GABRG3: variants seen among roughly 807,000 people sequenced by gnomAD.
The protein encoded by GABRG3 is gamma-aminobutyric acid receptor subunit gamma-3.
GABRG3 carries 25 observed loss-of-function variants against 48.8 expected under a neutral mutation model. That is an observed-to-expected ratio of 0.51 (90% CI 0.37 to 0.72). The LOEUF is 0.72. Among genes scored for constraint, GABRG3 ranks in the 30% least tolerant of loss-of-function variants. The pLI, the probability that GABRG3 is intolerant of heterozygous loss-of-function variation, is 0.00. For synonymous variants in GABRG3, 227 were observed against 217.6 expected, an observed-to-expected ratio of 1.04 and a Z score of -0.38; for missense variants, 394 against 577.9, an observed-to-expected ratio of 0.68 and a Z score of 3.26.
At chr15:27,256,208 C>T (rs371109184) in intron 3 of GABRG3, among the ~76,000 whole-genome samples, 26 of 151,904 alleles carry the variant, frequency 1.7e-4, no homozygotes, top group African/African-American at 2.7e-4. Flanking sequence ...TTTGGGAGGC[C>T]GAGGCGGGCG....
At chr15:27,273,571 G>A (rs973588571) in intron 3 of GABRG3, among the ~76,000 whole-genome samples, 50 of 152,322 alleles carry the variant, frequency 3.3e-4, no homozygotes, top group African/African-American at 1.2e-3. Flanking sequence ...AGTCGTATGA[G>A]CTATTCTCAG....
chr15:27,393,413 A>G (rs1595725763), intron 5 of GABRG3, among the ~76,000 whole-genome samples: 1 of 152,252 alleles, frequency 6.6e-6, no homozygotes, highest in East Asian at 1.9e-4. Flanking sequence ...GTTCATTTAT[A>G]CTGGAGTGCT....
rs564401339 is a variant in GABRG3 at position 27,423,561 on chromosome 15, G to A, written c.575-57089G>A. 2.8e-3 allele frequency among the ~76,000 whole-genome samples: 408 copies of A among 146,766 alleles called. 1 individual carries two copies. Among genetic ancestry groups the A allele is most frequent in the African/African-American group, 9.6e-3 (380 of 39,766 alleles). The stretch of plus-strand genomic sequence containing the variant: ...TTTTGGTTTTTTTTTTTTTTGAGAC[G>A]AGGTTTTAGGGTCTTATTCTGTCGC... On this transcript the variant is annotated intron_variant, in intron 5 of 9. Transcript: ENST00000615808.
chr15:27,467,651 C>G (rs1889656423), intron 5 of GABRG3, among the ~76,000 whole-genome samples: 1 of 152,166 alleles, frequency 6.6e-6, no homozygotes, highest in Non-Finnish European at 1.5e-5. Context: ...GCCTTTAGTT[C>G]TATTTTTTAT....
chr15:27,295,243 T>A (rs1396800801), intron 3 of GABRG3: 2 of 152,212 alleles, frequency 1.3e-5, no homozygotes, highest in Non-Finnish European at 2.9e-5. Context: ...CCTTTCCAGT[T>A]CTTAATGTTA....
intron 3 of GABRG3, among the ~76,000 whole-genome samples, chr15:27,193,344 G>C (rs2140424078): frequency 6.6e-6 from 1 of 152,200 alleles, no homozygotes; most frequent in African/African-American, 2.4e-5. Context: ...GAGGCAGGCA[G>C]GCCTCCTTGA....
intron 6 of GABRG3, among the ~76,000 whole-genome samples, chr15:27,507,449 A>G (rs1890787236): frequency 2.0e-5 from 3 of 152,190 alleles, no homozygotes; most frequent in Admixed American, 1.3e-4. Flanking sequence ...GGCTGCAGTG[A>G]GCCAAGATCC....
intron 2 of GABRG3, among the ~76,000 whole-genome samples, chr15:27,020,569 G>GC (rs1895872744): frequency 7.7e-6 from 1 of 129,752 alleles, no homozygotes; most frequent in Non-Finnish European, 1.7e-5. Flanking sequence ...CCGCCACCAC[G>GC]CCCGGCTAAT....
At chr15:27,142,753 C>T (rs1898128012) in intron 3 of GABRG3, among the ~76,000 whole-genome samples, 1 of 151,414 alleles carries the variant, frequency 6.6e-6, no homozygotes, top group South Asian at 2.1e-4. Context: ...ACAGGGGTTA[C>T]TGAGGATTTG....
At chr15:27,476,074 C>G (rs1156595576) in intron 5 of GABRG3, among the ~76,000 whole-genome samples, 4 of 152,042 alleles carry the variant, frequency 2.6e-5, no homozygotes, top group African/African-American at 7.2e-5. Flanking sequence ...CCACAAAAAG[C>G]CAGCAAAGAA....
chr15:27,263,953 A>T, intron 3 of GABRG3, among the ~76,000 whole-genome samples: 1 of 23,106 alleles, frequency 4.3e-5, no homozygotes, highest in East Asian at 3.1e-4. Flanking sequence ...AAGAAAAAAA[A>T]GAAAAGTGCT....
chr15:27,029,746 T>C (rs1896050346), intron 3 of GABRG3, among the ~76,000 whole-genome samples: 1 of 151,988 alleles, frequency 6.6e-6, no homozygotes, highest in South Asian at 2.1e-4. Flanking sequence ...ACAGTGGAGG[T>C]AGGTTCCCTT....
intron 5 of GABRG3, among the ~76,000 whole-genome samples, chr15:27,451,655 A>T (rs1889115743): frequency 6.6e-6 from 1 of 152,226 alleles, no homozygotes; most frequent in Non-Finnish European, 1.5e-5. Flanking sequence ...ATGAACCCAA[A>T]AGCACAGGCA....
intron 2 of GABRG3, among the ~76,000 whole-genome samples, chr15:26,979,488 A>G (rs1423700530): frequency 6.6e-6 from 1 of 152,132 alleles, no homozygotes; most frequent in African/African-American, 2.4e-5. Context: ...TATTTTGTAC[A>G]TGTTCTTTAT....
chr15:27,093,436 A>G (rs911636812), intron 3 of GABRG3, among the ~76,000 whole-genome samples: 2 of 152,082 alleles, frequency 1.3e-5, no homozygotes, highest in South Asian at 2.1e-4. Context: ...CTGTCATGAC[A>G]TCGTAAGTAC....
chr15:27,530,149 C>T (rs777922929), intron 9 of GABRG3, among the ~76,000 whole-genome samples: 66 of 152,224 alleles, frequency 4.3e-4, no homozygotes, highest in Non-Finnish European at 4.4e-4. Context: ...AGGGGCCAGA[C>T]TCCGTGAACT....
chr15:27,060,353 C>A (rs527983428), intron 3 of GABRG3, among the ~76,000 whole-genome samples: 1 of 152,334 alleles, frequency 6.6e-6, no homozygotes, highest in Non-Finnish European at 1.5e-5. Flanking sequence ...CTTCCCTTTG[C>A]AGGTTGGTGC....
At chr15:27,190,720 A>G (rs1888267540) in intron 3 of GABRG3, among the ~76,000 whole-genome samples, 1 of 151,348 alleles carries the variant, frequency 6.6e-6, no homozygotes, top group African/African-American at 2.4e-5. Context: ...TTGTGTCTCT[A>G]TTTCCTTCAG....
chr15:27,009,987 C>T (rs1230612772), intron 2 of GABRG3, among the ~76,000 whole-genome samples: 1 of 152,096 alleles, frequency 6.6e-6, no homozygotes, highest in Non-Finnish European at 1.5e-5. Context: ...CTCCTTCATC[C>T]AGGCTGGAGT....
Sources: allele counts gnomAD v4.1 joint callset (sites outside exome capture counted in the v4.1 genomes callset), GRCh38; gene constraint gnomAD v4.1.1; transcripts MANE v1.5; gene names NCBI Gene and HGNC (gene_info 2026-07-23, HGNC 2026-07-21).